The following DLG5 variants were observed in gnomAD, a reference collection of about 807,000 sequenced individuals.
The protein encoded by DLG5 is discs large MAGUK scaffold protein 5.
A neutral mutation model predicts 189.8 loss-of-function variants in DLG5; 48 were observed. That is an observed-to-expected ratio of 0.25 (90% CI 0.20 to 0.32). The LOEUF is 0.32. Among genes scored for constraint, DLG5 ranks in the 10% least tolerant of loss-of-function variants. The pLI, the probability that DLG5 is intolerant of heterozygous loss-of-function variation, is 1.00. For synonymous variants in DLG5, 1,016 were observed against 1,054.1 expected, an observed-to-expected ratio of 0.96 and a Z score of 0.70; for missense variants, 2,160 against 2,544.7, an observed-to-expected ratio of 0.85 and a Z score of 3.25.
chr10:77,872,331 C>T (rs935147816), intron 1 of DLG5, among the ~76,000 whole-genome samples: 6 of 152,240 alleles, frequency 3.9e-5, no homozygotes, highest in Non-Finnish European at 8.8e-5. Flanking sequence ...AGATGCCCTT[C>T]CCTCTCTCCG....
intron 1 of DLG5, among the ~76,000 whole-genome samples, chr10:77,901,912 T>A (rs1845938809): frequency 6.6e-6 from 1 of 152,172 alleles, no homozygotes; most frequent in Non-Finnish European, 1.5e-5. Context: ...ATCCTTCTCA[T>A]CTTATGACAT....
the DLG5 span, among the ~76,000 whole-genome samples, chr10:77,934,377 A>G: frequency 2.0e-5 from 3 of 150,264 alleles, no homozygotes; most frequent in African/African-American, 7.5e-5. Context: ...ATCTCAAAAA[A>G]AAAAAAAAAA....
Position 77,820,071 on chromosome 10 carries a change from C to T in DLG5, c.3403-53G>A, listed in dbSNP as rs146308167. ...CTAGAAAGAGTGGAGTGTGGCCAGG[C>T]GCAGTGGCTCACACCTATAATCCCA... On this transcript the variant is annotated intron_variant, in intron 15 of 31. Transcript: ENST00000372391. 1.0e-4 allele frequency: 163 copies of T among 1,603,810 alleles called. No individual in the cohort carries two copies. In the African/African-American group the frequency reaches 1.9e-3, roughly 18 times the overall value.
intron 9 of DLG5, among the ~76,000 whole-genome samples, chr10:77,833,177 C>A (rs1842958887): frequency 6.6e-6 from 1 of 152,040 alleles, no homozygotes; most frequent in Admixed American, 6.6e-5. Context: ...ATGCTTAAAC[C>A]CTGATCTTTG....
Position 77,796,202 on chromosome 10 carries a change from A to T in DLG5, c.5309-14T>A, listed in dbSNP as rs1336655555. ...CCTTCATCACCTCTGCAATGCACAG[A>T]CACAGGAATCAGGGAGCCCCAGGCC... On this transcript the variant is annotated splice_polypyrimidine_tract_variant and intron_variant, in intron 28 of 31. Transcript: ENST00000372391. The surrounding 1 kb of genome is among the most constrained non-coding windows in gnomAD (Gnocchi z 5.2). 3 of 1,613,904 alleles carry T rather than the reference A, an allele frequency of 1.9e-6. No individual in the cohort carries two copies. The East Asian group carries it at 6.7e-5, about 36-fold the overall frequency.
intron 1 of DLG5, among the ~76,000 whole-genome samples, chr10:77,903,436 A>T (rs531865836): frequency 2.6e-5 from 4 of 151,872 alleles, no homozygotes; most frequent in South Asian, 4.2e-4. Flanking sequence ...TCAAAAAAAA[A>T]AATAAAAAAG....
chr10:77,925,996 G>A (rs926571379), intron 1 of DLG5, among the ~76,000 whole-genome samples: 2 of 152,222 alleles, frequency 1.3e-5, no homozygotes, highest in Non-Finnish European at 2.9e-5. Context: ...TGAGAGTGAA[G>A]GCCTTCAGCG....
intron 1 of DLG5, among the ~76,000 whole-genome samples, chr10:77,898,840 G>A (rs1845841139): frequency 6.6e-6 from 1 of 152,208 alleles, no homozygotes; most frequent in Non-Finnish European, 1.5e-5. Flanking sequence ...CAAAGACCCA[G>A]AAAGGGAGGG....
At chr10:77,808,119 G>A in intron 24 of DLG5, 175 bp from the exon 25 acceptor site, 1 of 797,876 alleles carries the variant, frequency 1.3e-6, no homozygotes, top group East Asian at 2.7e-5. Context: ...CCAGTCTCCA[G>A]GTCCTGTGCA....
intron 2 of DLG5, among the ~76,000 whole-genome samples, chr10:77,863,268 T>C (rs563210222): frequency 3.8e-4 from 57 of 151,956 alleles, no homozygotes; most frequent in Non-Finnish European, 7.4e-4. Context: ...ATTATTATTA[T>C]TTTTATTTAT....
At chr10:77,889,733 C>A (rs1845551770) in intron 1 of DLG5, among the ~76,000 whole-genome samples, 1 of 152,186 alleles carries the variant, frequency 6.6e-6, no homozygotes, top group South Asian at 2.1e-4. Context: ...AAGCACTGCA[C>A]CCTCTGACAT....
At chr10:77,877,851 G>T (rs576666868) in intron 1 of DLG5, among the ~76,000 whole-genome samples, 1 of 149,948 alleles carries the variant, frequency 6.7e-6, no homozygotes, top group East Asian at 2.0e-4. Context: ...AGGTGTGAAG[G>T]AGTGGAGCAG....
intron 1 of DLG5, among the ~76,000 whole-genome samples, chr10:77,897,574 A>T (rs1400167884): frequency 6.6e-6 from 1 of 151,672 alleles, no homozygotes; most frequent in Non-Finnish European, 1.5e-5. Flanking sequence ...CTGTAAGCCC[A>T]GCACTTTGGG....
chr10:77,842,751 A>C (rs1040226029), intron 6 of DLG5, among the ~76,000 whole-genome samples: 1 of 152,168 alleles, frequency 6.6e-6, no homozygotes, highest in Non-Finnish European at 1.5e-5. Context: ...CATTACCCCC[A>C]AAAAAGTATA....
At chr10:77,805,335 G>A (rs1395354195) in intron 27 of DLG5, among the ~76,000 whole-genome samples, 1 of 152,162 alleles carries the variant, frequency 6.6e-6, no homozygotes, top group Non-Finnish European at 1.5e-5. Flanking sequence ...TGAAGTCACA[G>A]GTTAGGGCTT....
chr10:77,926,240 G>T lies in DLG5; in HGVS notation c.281C>A (p.Pro94Gln), dbSNP rs1433576961. 1 of 1,516,616 alleles carries T rather than the reference G, an allele frequency of 6.6e-7. No individual in the cohort carries two copies. Among genetic ancestry groups the T allele is most frequent in the Non-Finnish European group, 8.8e-7 (1 of 1,131,020 alleles). The allele number at this position is 1,516,616 out of a possible 1,614,324, so 93.9% of individuals were successfully genotyped here. A position where few individuals can be genotyped will look rare whatever the true frequency, so the allele number is the denominator to read the frequency against. The change falls in exon 1 of 32, where the codon CCG (proline) becomes CAG (glutamine). Residue 94 changes from proline to glutamine, a missense_variant. Pro to Gln is a moderately conservative substitution (Grantham distance 76). Around this residue, in one of 5 missense-constraint regions of DLG5, gnomAD observed 664 missense variants for 838.5 expected, o/e 0.79. Coordinates refer to ENST00000372391, the MANE Select transcript of DLG5 (RefSeq NM_004747.4). This position sits in a 1 kb window ranked among gnomAD's most constrained non-coding sequence, Gnocchi z 5.2. ...ACCCGCGCCTTCGGCGGGCTGCGGC[G>T]GCCCGACGACGCCGTTCAGGTAGAG... is the stretch of plus-strand genomic sequence containing the variant. ...PILYLNGVVG[P>Q]PQPAEGAGST...
At chr10:77,851,598 A>AGC (rs1190768992) in intron 5 of DLG5, among the ~76,000 whole-genome samples, 1 of 152,178 alleles carries the variant, frequency 6.6e-6, no homozygotes, top group East Asian at 1.9e-4. Flanking sequence ...GCCTGACCTC[A>AGC]CACGACCAAT....
rs536142129 is a variant in DLG5 at position 77,816,798 on chromosome 10, T to C, written c.3875-97A>G. ...GGTGCGATCCAGACACACAGCTCTA[T>C]CCCCACTGCATCGCATAGTCTGGAG... On this transcript the variant is annotated intron_variant, in intron 19 of 31. Transcript: ENST00000372391. 2.5e-4 allele frequency: 378 copies of C among 1,498,934 alleles called. 1 individual carries two copies. In the African/African-American group the frequency reaches 4.0e-3, roughly 16 times the overall value. The allele number at this position is 1,498,934 out of a possible 1,614,324, so 92.9% of individuals were successfully genotyped here.
chr10:77,878,351 G>C (rs527280362), intron 1 of DLG5, among the ~76,000 whole-genome samples: 1 of 152,214 alleles, frequency 6.6e-6, no homozygotes, highest in Admixed American at 6.5e-5. Flanking sequence ...AATGAGCAAC[G>C]AGAGGGAAAG....
Sources: allele counts gnomAD v4.1 joint callset (sites outside exome capture counted in the v4.1 genomes callset), GRCh38; gene constraint gnomAD v4.1.1; regional missense constraint gnomAD v4.1.1; non-coding constraint Gnocchi (gnomAD v3.1); transcripts MANE v1.5; gene names NCBI Gene and HGNC (gene_info 2026-07-23, HGNC 2026-07-21).